LIMS1: variants seen among roughly 807,000 people sequenced by gnomAD.
LIMS1 encodes the protein LIM zinc finger domain containing 1.
Under a neutral mutation model 44.1 loss-of-function variants are expected in LIMS1, and 18 were observed. The ratio of observed to expected loss-of-function variants is 0.41; its 90% CI spans 0.28 to 0.61. The LOEUF (loss-of-function observed/expected upper bound fraction) is 0.61. LIMS1 is among the 20% of genes least tolerant of loss of function. The pLI is 0.32. For synonymous variants in LIMS1, 93 were observed against 149.1 expected (o/e 0.62, Z 2.74); for missense variants, 201 against 422.0 (o/e 0.48, Z 4.59).
At chr2:108,596,911 ATC>A (rs1451825507) in intron 1 of LIMS1, among the ~76,000 whole-genome samples, 4 of 135,994 alleles carry the variant, frequency 2.9e-5, no homozygotes, top group Admixed American at 9.0e-5. Context: ...CCTACGAAAC[ATC>A]TGTTTTTTTT....
chr2:108,627,759 C>T (rs1026385120), intron 1 of LIMS1, among the ~76,000 whole-genome samples: 2 of 152,190 alleles, frequency 1.3e-5, no homozygotes, highest in African/African-American at 4.8e-5. Context: ...GTCTGTGCTA[C>T]TCATTGGCTA....
chr2:108,599,096 C>A (rs1361540543), intron 1 of LIMS1, among the ~76,000 whole-genome samples: 1 of 151,894 alleles, frequency 6.6e-6, no homozygotes, highest in Admixed American at 6.6e-5. Context: ...ACTGTAGTCA[C>A]CCTGTTGTGC....
intron 1 of LIMS1, among the ~76,000 whole-genome samples, chr2:108,639,280 A>C (rs1320998330): frequency 1.3e-5 from 2 of 152,212 alleles, no homozygotes; most frequent in East Asian, 3.8e-4. Flanking sequence ...TCTGATAAGC[A>C]GAAAGTTCAG....
chr2:108,606,051 G>C (rs1443040825), intron 1 of LIMS1, among the ~76,000 whole-genome samples: 1 of 152,228 alleles, frequency 6.6e-6, no homozygotes. Context: ...CCCCAGTTTG[G>C]GGGAGGTGAA....
chr2:108,662,896 G>A (rs1051173361), intron 2 of LIMS1: 2 of 324,268 alleles, frequency 6.2e-6, no homozygotes, highest in Non-Finnish European at 8.9e-6. Flanking sequence ...AGACTAGTTA[G>A]GGAGACTTAG....
At chr2:108,606,613 A>G (rs1487719244) in intron 1 of LIMS1, among the ~76,000 whole-genome samples, 2 of 152,264 alleles carry the variant, frequency 1.3e-5, no homozygotes, top group Non-Finnish European at 2.9e-5. Context: ...AGGCTTGAAG[A>G]GCTCACATTT....
At chr2:108,628,946 A>G (rs925010104) in intron 1 of LIMS1, among the ~76,000 whole-genome samples, 1 of 152,208 alleles carries the variant, frequency 6.6e-6, no homozygotes, top group African/African-American at 2.4e-5. Context: ...ATATTTTTTT[A>G]AAAAGCAGAA....
At chr2:108,613,571 G>A (rs751907502) in intron 1 of LIMS1, among the ~76,000 whole-genome samples, 2 of 152,098 alleles carry the variant, frequency 1.3e-5, no homozygotes, top group Non-Finnish European at 1.5e-5. Context: ...TCAAGCTGCT[G>A]TCTGTTCCAT....
intron 9 of LIMS1, among the ~76,000 whole-genome samples, chr2:108,682,709 C>T (rs573445912): frequency 5.8e-4 from 89 of 152,196 alleles, no homozygotes; most frequent in Non-Finnish European, 9.9e-4. Context: ...TTAGGAATTT[C>T]CTTTGTTACT....
chr2:108,606,962 A>G (rs1470303342), intron 1 of LIMS1, among the ~76,000 whole-genome samples: 5 of 152,234 alleles, frequency 3.3e-5, no homozygotes, highest in African/African-American at 1.2e-4. Flanking sequence ...AGTAAAGGGT[A>G]TGTCTCATGT....
At chr2:108,550,281 G>A (rs535487228) in intron 1 of LIMS1, among the ~76,000 whole-genome samples, 3 of 150,774 alleles carry the variant, frequency 2.0e-5, no homozygotes, top group Admixed American at 6.6e-5. Flanking sequence ...GGATCGTGAG[G>A]TCAGGAGATC....
intron 1 of LIMS1, among the ~76,000 whole-genome samples, chr2:108,612,029 T>TAC (rs71381969): frequency 0.046 from 3,648 of 79,884 alleles, 82 homozygotes; most frequent in African/African-American, 0.058. Context: ...CACACACATA[T>TAC]ACACACACAC....
intron 5 of LIMS1, 138 bp from the exon 6 acceptor site, chr2:108,675,740 C>T (rs1410759628): frequency 2.0e-6 from 2 of 985,806 alleles, no homozygotes; most frequent in Non-Finnish European, 3.1e-6. Flanking sequence ...TTATTCTGAT[C>T]ACCTCTAAAG....
At chr2:108,678,263 A>C (rs1392729239) in intron 8 of LIMS1, among the ~76,000 whole-genome samples, 3 of 152,248 alleles carry the variant, frequency 2.0e-5, no homozygotes, top group Non-Finnish European at 4.4e-5. Context: ...GTTGTATGCC[A>C]GCAATCATGG....
intron 9 of LIMS1, chr2:108,681,568 A>C (rs1692996121): frequency 7.3e-6 from 7 of 956,450 alleles, no homozygotes; most frequent in Non-Finnish European, 8.7e-6. Flanking sequence ...TTTAATTGAT[A>C]AATTATAAGT....
intron 1 of LIMS1, among the ~76,000 whole-genome samples, chr2:108,596,739 C>T (rs754634109): frequency 1.1e-3 from 162 of 152,264 alleles, no homozygotes; most frequent in Non-Finnish European, 1.9e-3. Flanking sequence ...AGGAGAATCG[C>T]TTGAACCTGG....
intron 1 of LIMS1, among the ~76,000 whole-genome samples, chr2:108,536,470 T>C (rs1403768079): frequency 6.6e-6 from 1 of 152,236 alleles, no homozygotes; most frequent in Non-Finnish European, 1.5e-5. Flanking sequence ...TGCTCAGTAG[T>C]GCTCCATGGT....
At chr2:108,637,086 A>G (rs1053715163) in intron 1 of LIMS1, among the ~76,000 whole-genome samples, 7 of 146,352 alleles carry the variant, frequency 4.8e-5, no homozygotes, top group African/African-American at 1.8e-4. Flanking sequence ...TAAATTCAGC[A>G]AAATATACAT....
chr2:108,559,896 A>G (rs1685055526), intron 1 of LIMS1, among the ~76,000 whole-genome samples: 1 of 152,194 alleles, frequency 6.6e-6, no homozygotes, highest in South Asian at 2.1e-4. Flanking sequence ...TATACCACGG[A>G]CTGTCGTAGG....
Sources: gnomAD v4.1 joint callset for allele counts (sites outside exome capture counted in the v4.1 genomes callset) on GRCh38, gnomAD v4.1.1 for gene constraint, MANE v1.5 for transcripts, NCBI Gene and HGNC (gene_info 2026-07-23, HGNC 2026-07-21) for gene names.